ZMYM2: variants seen among roughly 807,000 people sequenced by gnomAD.
The protein encoded by ZMYM2 is zinc finger MYM-type containing 2.
In ZMYM2, 56 loss-of-function variants were observed where a neutral mutation model predicts 162.8. That is an observed-to-expected ratio of 0.34 (90% CI 0.28 to 0.43). ZMYM2 has a LOEUF of 0.43. Ranked by LOEUF, ZMYM2 falls within the 20% of genes least tolerant of loss-of-function variation. The pLI, the probability that ZMYM2 is intolerant of heterozygous loss-of-function variation, is 1.00. For synonymous variants in ZMYM2, 510 were observed against 541.6 expected (o/e 0.94, Z 0.81); for missense variants, 1,275 against 1,621.8 (o/e 0.79, Z 3.67).
the ZMYM2 span, chr13:19,864,566 T>G: frequency 6.5e-6 from 1 of 153,848 alleles, no homozygotes; most frequent in South Asian, 2.0e-4. Flanking sequence ...GGAGCTGGGC[T>G]CTCGCGGGTT....
At chr13:20,076,135 C>T (rs1410929564) in intron 21 of ZMYM2, among the ~76,000 whole-genome samples, 3 of 150,456 alleles carry the variant, frequency 2.0e-5, no homozygotes, top group African/African-American at 7.5e-5. Flanking sequence ...CTTACTTTCT[C>T]TTCATCTACT....
At chr13:19,989,337 C>T (rs748157770) in intron 2 of ZMYM2, among the ~76,000 whole-genome samples, 4 of 151,990 alleles carry the variant, frequency 2.6e-5, no homozygotes, top group African/African-American at 4.8e-5. Context: ...AGAGTCTCAC[C>T]CCATCACCCA....
chr13:19,954,329 C>G (rs549244705), upstream of ZMYM2, among the ~76,000 whole-genome samples: 3 of 151,068 alleles, frequency 2.0e-5, no homozygotes, highest in Non-Finnish European at 4.4e-5. Context: ...GGGGTTTCAC[C>G]GTGGTCTCGA....
Position 20,057,395 on chromosome 13 carries a change from C to G in ZMYM2, c.2494-1180C>G, listed in dbSNP as rs544259340. Among the ~76,000 whole-genome samples, 32 of 152,294 alleles carry G rather than the reference C, an allele frequency of 2.1e-4. No homozygotes were observed. In the East Asian group the frequency reaches 4.1e-3, roughly 19 times the overall value. On this transcript the variant is annotated intron_variant, in intron 14 of 24. Transcript: ENST00000610343. ...TTAGGTGATCCGCCTGTCCCGGCCT[C>G]CCAGAGTTCTGGGATTACACATGTG...
the ZMYM2 span, among the ~76,000 whole-genome samples, chr13:19,934,058 C>A: frequency 2.2e-4 from 34 of 152,286 alleles, no homozygotes; most frequent in East Asian, 6.5e-3. Flanking sequence ...CCGTACCCCA[C>A]TTTTCCCGCT....
chr13:20,018,959 A>G (rs1409833526), intron 6 of ZMYM2, among the ~76,000 whole-genome samples: 1 of 151,916 alleles, frequency 6.6e-6, no homozygotes, highest in East Asian at 1.9e-4. Context: ...AGGCGCCTGT[A>G]ATCCCAGCTA....
chr13:19,998,865 C>T (rs1247262910), intron 3 of ZMYM2, among the ~76,000 whole-genome samples: 2 of 151,998 alleles, frequency 1.3e-5, no homozygotes, highest in African/African-American at 4.8e-5. Flanking sequence ...AATTTTTTTC[C>T]TGTGGAAGGG....
intron 3 of ZMYM2, among the ~76,000 whole-genome samples, chr13:20,002,282 A>T (rs1362840673): frequency 1.3e-5 from 2 of 152,188 alleles, no homozygotes; most frequent in Non-Finnish European, 2.9e-5. Flanking sequence ...TAAATACGTG[A>T]ATACTTCCTG....
At chr13:19,872,899 T>C in the ZMYM2 span, among the ~76,000 whole-genome samples, 1 of 151,796 alleles carries the variant, frequency 6.6e-6, no homozygotes, top group Admixed American at 6.6e-5. Flanking sequence ...TTTGGGAGGC[T>C]GAGGCATAAG....
intron 21 of ZMYM2, among the ~76,000 whole-genome samples, chr13:20,076,831 TTTTTA>T (rs1313545406): frequency 1.3e-5 from 2 of 150,398 alleles, no homozygotes; most frequent in East Asian, 3.8e-4. Flanking sequence ...TAAGATTTAT[TTTTTA>T]TTTTATTTTA....
chr13:19,980,133 ACTTTAT>A (rs1458787584), intron 2 of ZMYM2, among the ~76,000 whole-genome samples: 1 of 151,832 alleles, frequency 6.6e-6, no homozygotes. Flanking sequence ...TAAATTTAAG[ACTTTAT>A]CTTGTATTAA....
chr13:20,081,587 C>T (rs1196332649), intron 21 of ZMYM2, among the ~76,000 whole-genome samples: 1 of 152,126 alleles, frequency 6.6e-6, no homozygotes, highest in Non-Finnish European at 1.5e-5. Context: ...TCCTCTCATT[C>T]TTACCACTCA....
At chr13:20,029,407 A>G (rs1029885596) in intron 9 of ZMYM2, among the ~76,000 whole-genome samples, 3 of 152,240 alleles carry the variant, frequency 2.0e-5, no homozygotes, top group South Asian at 2.1e-4. Flanking sequence ...TTGTGGGGGA[A>G]CACCAACATT....
At chr13:20,040,473 T>C (rs1954144168) in intron 12 of ZMYM2, among the ~76,000 whole-genome samples, 1 of 152,298 alleles carries the variant, frequency 6.6e-6, no homozygotes, top group East Asian at 1.9e-4. Flanking sequence ...TATTTGGGTC[T>C]TCTCTCTTTT....
rs1958057674 is a variant in ZMYM2, at chr13:20,083,736, A to C, written c.3901A>C (p.Arg1301=). ...EQIENTANPS[R]CPVKMFECYL... ...AATTGAAAACACAGCCAATCCTTCC[A>C]GATGTCCTGTGAAAATGTTTGAATG... The change falls in exon 24 of 25, where the codon AGA becomes CGA. Residue 1301 remains arginine, a synonymous_variant. Coordinates refer to ENST00000610343, the MANE Select transcript of ZMYM2 (RefSeq NM_197968.4). 1 of 1,601,990 alleles carries C rather than the reference A, an allele frequency of 6.2e-7. No individual in the cohort carries two copies. The highest frequency in any genetic ancestry group is 8.5e-7 in the Non-Finnish European group (1 of 1,173,280).
At chr13:20,046,607 G>GTGTGTGTGTGTGTGTGTGTA (rs781273129) in intron 12 of ZMYM2, among the ~76,000 whole-genome samples, 3 of 104,372 alleles carry the variant, frequency 2.9e-5, no homozygotes, top group African/African-American at 1.2e-4. Flanking sequence ...GTGTGTGTGT[G>GTGTGTGTGTGTGTGTGTGTA]TATATATATG....
At chr13:19,997,245 T>C (rs994950671) in intron 3 of ZMYM2, among the ~76,000 whole-genome samples, 1 of 152,224 alleles carries the variant, frequency 6.6e-6, no homozygotes, top group African/African-American at 2.4e-5. Flanking sequence ...AACATTCCCA[T>C]ATTTGGCTTT....
At chr13:20,027,786 A>G (rs150384789) in intron 9 of ZMYM2, among the ~76,000 whole-genome samples, 4 of 152,234 alleles carry the variant, frequency 2.6e-5, no homozygotes, top group African/African-American at 7.2e-5. Flanking sequence ...TTAGGGAGAC[A>G]TTTTTCATTT....
intron 2 of ZMYM2, among the ~76,000 whole-genome samples, chr13:19,967,127 C>G (rs372521224): frequency 6.6e-6 from 1 of 152,104 alleles, no homozygotes; most frequent in Non-Finnish European, 1.5e-5. Flanking sequence ...CCTGGACTTA[C>G]CTGTTCATTT....
Sources: gnomAD v4.1 joint callset for allele counts (sites outside exome capture counted in the v4.1 genomes callset) on GRCh38, gnomAD v4.1.1 for gene constraint, MANE v1.5 for transcripts, NCBI Gene and HGNC (gene_info 2026-07-23, HGNC 2026-07-21) for gene names.